ZBTB20: variants seen among roughly 807,000 people sequenced by gnomAD.
The protein encoded by ZBTB20 is zinc finger and BTB domain containing 20.
ZBTB20 carries 9 observed loss-of-function variants against 56.9 expected under a neutral mutation model. That is an observed-to-expected ratio of 0.16 (90% CI 0.10 to 0.28). ZBTB20 has a LOEUF of 0.28. Ranked by LOEUF, ZBTB20 falls within the 10% of genes least tolerant of loss-of-function variation. ZBTB20 has a pLI of 1.00. For synonymous variants in ZBTB20, 417 were observed against 420.7 expected, an observed-to-expected ratio of 0.99 and a Z score of 0.11; for missense variants, 655 against 1,003.0, an observed-to-expected ratio of 0.65 and a Z score of 4.69.
intron 7 of ZBTB20, among the ~76,000 whole-genome samples, chr3:114,499,731 G>GTT (rs373077122): frequency 6.6e-6 from 1 of 150,712 alleles, no homozygotes; most frequent in Admixed American, 6.6e-5. Flanking sequence ...ATAAAATCGT[G>GTT]TTTTTTTTTC....
chr3:114,458,281 T>C (rs1031199267), intron 7 of ZBTB20, among the ~76,000 whole-genome samples: 1 of 152,220 alleles, frequency 6.6e-6, no homozygotes, highest in Non-Finnish European at 1.5e-5. Flanking sequence ...GTCACAAATG[T>C]GCTCTTTAAA....
At chr3:114,566,903 A>C (rs2052825075) in intron 6 of ZBTB20, among the ~76,000 whole-genome samples, 1 of 152,220 alleles carries the variant, frequency 6.6e-6, no homozygotes, top group Non-Finnish European at 1.5e-5. Flanking sequence ...TAAGCTAATG[A>C]TAATGGTTAG....
At chr3:114,620,577 C>A (rs2058255660) in intron 6 of ZBTB20, among the ~76,000 whole-genome samples, 1 of 152,204 alleles carries the variant, frequency 6.6e-6, no homozygotes, top group Non-Finnish European at 1.5e-5. Context: ...CAGGCATGAG[C>A]CACTGTGTCC....
rs1382364151 is a variant in ZBTB20, at chr3:114,460,598, C to T, written c.-255+39754G>A. On this transcript the variant is annotated intron_variant, in intron 7 of 11. Transcript: ENST00000675478. ...AAATAAATGGATCCTCCTTTATAGC[C>T]GCTAAAAGGAACCAGCCCTCCCAAC... 3.9e-5 allele frequency among the ~76,000 whole-genome samples: 6 copies of T among 152,216 alleles called. No homozygotes were observed. The East Asian group carries it at 9.7e-4, about 25-fold the overall frequency.
intron 3 of ZBTB20, among the ~76,000 whole-genome samples, chr3:114,951,233 C>A (rs1187115828): frequency 6.6e-6 from 1 of 151,944 alleles, no homozygotes; most frequent in Non-Finnish European, 1.5e-5. Flanking sequence ...TAAGAATTTC[C>A]ATTGCTTTTG....
rs151019498 is a variant in ZBTB20 at position 114,722,954 on chromosome 3, G to A, written c.-342-29379C>T. Among the ~76,000 whole-genome samples the A allele has an allele frequency of 1.7e-3, 261 of 152,316 alleles. 1 individual carries two copies. The highest frequency in any genetic ancestry group is 6.8e-3 in the Middle Eastern group (2 of 294). ...AATTTCACTCAGTAATTAAACTGCAGTTTCTTTCGTCTAAAGTCCAGGGCA... is the reference window on the plus strand; with the variant it reads ...AATTTCACTCAGTAATTAAACTGCAATTTCTTTCGTCTAAAGTCCAGGGCA... On this transcript the variant is annotated intron_variant, in intron 5 of 11. Transcript: ENST00000675478.
rs1578167389 is a variant in ZBTB20, at chr3:114,651,963, T to C, written c.-295+41565A>G. ...ATTAGGACAGGGACCAGGGTAGCCA[T>C]TAGGAAAATAGATGAAGCACTTCAG... On this transcript the variant is annotated intron_variant, in intron 6 of 11. Coordinates refer to ENST00000675478, the MANE Select transcript of ZBTB20 (RefSeq NM_001348800.3). 4.6e-5 allele frequency among the ~76,000 whole-genome samples: 7 copies of C among 152,110 alleles called. 1 individual carries two copies. Among genetic ancestry groups the C allele is most frequent in the Admixed American group, 4.6e-4 (7 of 15,272 alleles).
chr3:114,559,584 A>G (rs1349756377), intron 6 of ZBTB20, among the ~76,000 whole-genome samples: 3 of 152,154 alleles, frequency 2.0e-5, no homozygotes, highest in Non-Finnish European at 2.9e-5. Context: ...CATATTATCA[A>G]TGGAAGCCAT....
chr3:115,042,403 T>C (rs2081177760), intron 2 of ZBTB20, among the ~76,000 whole-genome samples: 1 of 152,204 alleles, frequency 6.6e-6, no homozygotes. Context: ...GTAGCTGAAG[T>C]CTGCTCAAAC....
intron 4 of ZBTB20, among the ~76,000 whole-genome samples, chr3:114,844,545 A>AAAAAAAAAC (rs1437301904): frequency 7.1e-6 from 1 of 140,628 alleles, no homozygotes. Context: ...AAAAAAAAAA[A>AAAAAAAAAC]AAAAAAACTT....
At chr3:114,558,036 C>A (rs2051477954) in intron 6 of ZBTB20, among the ~76,000 whole-genome samples, 1 of 151,970 alleles carries the variant, frequency 6.6e-6, no homozygotes, top group South Asian at 2.1e-4. Context: ...TTGGGAAACA[C>A]CTATAAACAC....
At chr3:114,824,790 T>C (rs1238540438) in intron 4 of ZBTB20, among the ~76,000 whole-genome samples, 2 of 151,952 alleles carry the variant, frequency 1.3e-5, no homozygotes, top group East Asian at 3.9e-4. Context: ...ATAGCAAGTA[T>C]ACTCACTTGA....
chr3:114,876,392 G>A (rs1489976930), intron 4 of ZBTB20: 5 of 152,112 alleles, frequency 3.3e-5, no homozygotes, highest in African/African-American at 1.2e-4. Context: ...CAAGGCTGCA[G>A]TAAGCTAAGA....
At chr3:115,053,568 T>C (rs928788180) in intron 2 of ZBTB20, among the ~76,000 whole-genome samples, 8 of 152,314 alleles carry the variant, frequency 5.3e-5, no homozygotes, top group African/African-American at 1.9e-4. Context: ...AATTTCTTTT[T>C]TAAATGAATG....
At chr3:114,782,740 G>A (rs1288971370) in intron 5 of ZBTB20, among the ~76,000 whole-genome samples, 1 of 152,144 alleles carries the variant, frequency 6.6e-6, no homozygotes, top group Admixed American at 6.5e-5. Context: ...AATTTTAGTA[G>A]AGAAGGTAAT....
At chr3:114,684,108 G>T (rs1040675849) in intron 6 of ZBTB20, among the ~76,000 whole-genome samples, 1 of 152,148 alleles carries the variant, frequency 6.6e-6, no homozygotes, top group East Asian at 1.9e-4. Context: ...TAAGAAAAAT[G>T]ACATGTTGTT....
chr3:114,918,038 T>C (rs1576321154), intron 3 of ZBTB20, among the ~76,000 whole-genome samples: 1 of 152,088 alleles, frequency 6.6e-6, no homozygotes, highest in East Asian at 1.9e-4. Flanking sequence ...TAAGAAACCT[T>C]AAGAATCTAC....
chr3:114,761,655 T>C (rs1578751694), intron 5 of ZBTB20, among the ~76,000 whole-genome samples: 1 of 151,736 alleles, frequency 6.6e-6, no homozygotes, highest in East Asian at 1.9e-4. Context: ...GCCAACATGG[T>C]GAAATCCTGT....
chr3:114,724,379 T>C (rs1578540488), intron 5 of ZBTB20, among the ~76,000 whole-genome samples: 1 of 152,124 alleles, frequency 6.6e-6, no homozygotes, highest in East Asian at 1.9e-4. Context: ...AATCTCAGAG[T>C]TTGGACATAA....
Sources: allele counts gnomAD v4.1 joint callset (sites outside exome capture counted in the v4.1 genomes callset), GRCh38; gene constraint gnomAD v4.1.1; transcripts MANE v1.5; gene names NCBI Gene and HGNC (gene_info 2026-07-23, HGNC 2026-07-21).